FYB1: variants seen among roughly 807,000 people sequenced by gnomAD.
The protein encoded by FYB1 is FYN-binding protein 1.
FYB1 carries 41 observed loss-of-function variants against 94.1 expected under a neutral mutation model. The ratio of observed to expected loss-of-function variants is 0.44; its 90% confidence interval spans 0.34 to 0.57. FYB1 has a LOEUF of 0.57. FYB1 is among the 20% of genes least tolerant of loss of function. FYB1 has a pLI of 0.02. For synonymous variants in FYB1, 367 were observed against 353.2 expected, an observed-to-expected ratio of 1.04 and a Z score of -0.44; for missense variants, 1,050 against 976.8, an observed-to-expected ratio of 1.07 and a Z score of -1.00.
chr5:39,208,991 A>AC (rs532056010), intron 1 of FYB1: 120 of 151,532 alleles, frequency 7.9e-4, no homozygotes, highest in African/African-American at 2.9e-3. Flanking sequence ...AACACATATG[A>AC]CCCCCATGAC....
At chr5:39,186,075 C>T (rs1746758357) in intron 2 of FYB1, among the ~76,000 whole-genome samples, 1 of 152,120 alleles carries the variant, frequency 6.6e-6, no homozygotes, top group Admixed American at 6.5e-5. Flanking sequence ...TCTCTTCCCT[C>T]AAGCGGGCTG....
chr5:39,221,923 C>G (rs1346196813), upstream of FYB1, among the ~76,000 whole-genome samples: 1 of 152,010 alleles, frequency 6.6e-6, no homozygotes, highest in African/African-American at 2.4e-5. Flanking sequence ...ATTGCTGGAA[C>G]AAAGGAGGCG....
intron 2 of FYB1, among the ~76,000 whole-genome samples, chr5:39,167,841 C>T (rs1258903303): frequency 4.6e-5 from 7 of 152,194 alleles, no homozygotes; most frequent in Admixed American, 2.0e-4. Flanking sequence ...ATACCCTCTC[C>T]GTCACTGGAC....
chr5:39,268,104 A>G (rs934876103), intron 1 of FYB1, among the ~76,000 whole-genome samples: 1 of 152,238 alleles, frequency 6.6e-6, no homozygotes, highest in African/African-American at 2.4e-5. Flanking sequence ...CACTTATAAA[A>G]TTACATTTAT....
chr5:39,148,987 G>A (rs1006742519), intron 3 of FYB1, among the ~76,000 whole-genome samples: 1 of 152,072 alleles, frequency 6.6e-6, no homozygotes. Context: ...TACACTAAAA[G>A]GTGTTGATTT....
intron 3 of FYB1, among the ~76,000 whole-genome samples, chr5:39,147,474 GTGTGTGTGTGTGTC>G (rs1024633082): frequency 6.6e-6 from 1 of 151,066 alleles, no homozygotes; most frequent in Non-Finnish European, 1.5e-5. Flanking sequence ...GTGTGTGTGT[GTGTGTGTGTGTGTC>G]TGTGTGTGTG....
intron 9 of FYB1, 124 bp from the exon 10 acceptor site, chr5:39,130,736 G>T: frequency 1.3e-6 from 1 of 746,754 alleles, no homozygotes; most frequent in Non-Finnish European, 2.3e-6. Flanking sequence ...TTCTTAGAAT[G>T]CTATATGTAA....
At chr5:39,116,860 T>C (rs768814894) in intron 16 of FYB1, among the ~76,000 whole-genome samples, 1 of 151,856 alleles carries the variant, frequency 6.6e-6, no homozygotes, top group Non-Finnish European at 1.5e-5. Context: ...AAAAAGAATG[T>C]CAGACCTCAC....
intron 1 of FYB1, among the ~76,000 whole-genome samples, chr5:39,225,350 A>G (rs1750426688): frequency 6.6e-6 from 1 of 152,224 alleles, no homozygotes; most frequent in Non-Finnish European, 1.5e-5. Context: ...CCCAATATAA[A>G]CAATAAGATA....
chr5:39,263,130 A>G (rs1292721687), intron 1 of FYB1, among the ~76,000 whole-genome samples: 1 of 152,194 alleles, frequency 6.6e-6, no homozygotes, highest in Non-Finnish European at 1.5e-5. Context: ...GAGAAAAGAA[A>G]GGGCGGATGG....
At chr5:39,117,899 C>CTGTT (rs1206638365) in intron 16 of FYB1, among the ~76,000 whole-genome samples, 2 of 151,790 alleles carry the variant, frequency 1.3e-5, no homozygotes, top group Non-Finnish European at 2.9e-5. Context: ...CTAATTTTTT[C>CTGTT]TGTTTGTTTG....
chr5:39,133,356 A>AT (rs969029140), intron 9 of FYB1, among the ~76,000 whole-genome samples: 15 of 152,272 alleles, frequency 9.9e-5, no homozygotes, highest in African/African-American at 3.4e-4. Context: ...TGGACCAGAG[A>AT]TTTTCCTCCT....
At chr5:39,182,838 G>C (rs1746383643) in intron 2 of FYB1, among the ~76,000 whole-genome samples, 1 of 152,080 alleles carries the variant, frequency 6.6e-6, no homozygotes, top group Non-Finnish European at 1.5e-5. Context: ...TTTTCCATTT[G>C]TTGTTATTAT....
At chr5:39,230,846 C>A (rs530997924) in intron 1 of FYB1, among the ~76,000 whole-genome samples, 1 of 20,894 alleles carries the variant, frequency 4.8e-5, no homozygotes, top group Admixed American at 9.1e-4. Flanking sequence ...TCTCAGTATA[C>A]ACACACACAC....
Position 39,138,639 on chromosome 5 carries a change from A to G in FYB1, c.1394+18T>C. ...CATCTTTGAAGAAAACTGTCATGGT[A>G]AAAAATGTAATTCATACATGTCTTC... On this transcript the variant is annotated intron_variant, in intron 6 of 18. Coordinates refer to ENST00000512982, the MANE Select transcript of FYB1 (RefSeq NM_001465.6). 6.7e-7 allele frequency: 1 copy of G among 1,489,334 alleles called. No individual in the cohort carries two copies. Among genetic ancestry groups the G allele is most frequent in the Admixed American group, 1.8e-5 (1 of 55,572 alleles). The allele number at this position is 1,489,334 out of a possible 1,614,324, so 92.3% of individuals were successfully genotyped here.
At chr5:39,151,728 G>A (rs1561180906) in intron 3 of FYB1, among the ~76,000 whole-genome samples, 1 of 152,172 alleles carries the variant, frequency 6.6e-6, no homozygotes, top group Non-Finnish European at 1.5e-5. Flanking sequence ...GACTGTAAAG[G>A]AAATCTATTA....
chr5:39,162,718 ATTT>A (rs60393235), intron 2 of FYB1, among the ~76,000 whole-genome samples: 31 of 148,674 alleles, frequency 2.1e-4, no homozygotes, highest in East Asian at 2.0e-4. Context: ...CCGTTTAGTG[ATTT>A]TTTTTTTTTT....
chr5:39,231,825 C>T (rs540843094), intron 1 of FYB1, among the ~76,000 whole-genome samples: 2 of 152,200 alleles, frequency 1.3e-5, no homozygotes, highest in East Asian at 3.9e-4. Flanking sequence ...CAGCTGCACC[C>T]TGTCTAGTTG....
chr5:39,117,943 G>T (rs748433238), intron 16 of FYB1, among the ~76,000 whole-genome samples: 2 of 152,096 alleles, frequency 1.3e-5, no homozygotes, highest in African/African-American at 4.8e-5. Flanking sequence ...TGCCACCCCA[G>T]CTGGAGTGTA....
Sources: gnomAD v4.1 joint callset for allele counts (sites outside exome capture counted in the v4.1 genomes callset) on GRCh38, gnomAD v4.1.1 for gene constraint, MANE v1.5 for transcripts, NCBI Gene and HGNC (gene_info 2026-07-23, HGNC 2026-07-21) for gene names.